Variants in GNAS observed in about 807,000 individuals in gnomAD.
GNAS encodes GNAS complex locus.
In GNAS, 8 loss-of-function variants were observed where a neutral mutation model predicts 54.5. That is an observed-to-expected ratio of 0.15 (90% confidence interval 0.09 to 0.26). The LOEUF (loss-of-function observed/expected upper bound fraction) is 0.26. Among genes scored for constraint, GNAS ranks in the 10% least tolerant of loss-of-function variants. The pLI, the probability that GNAS is intolerant of heterozygous loss-of-function variation, is 1.00. For synonymous variants in GNAS, 204 were observed against 191.4 expected (o/e 1.07, Z -0.54); for missense variants, 170 against 529.8 (o/e 0.32, Z 6.67).
At chr20:58,849,922 C>G (rs1199169789) in intron 1 of GNAS, among the ~76,000 whole-genome samples, 1 of 152,228 alleles carries the variant, frequency 6.6e-6, no homozygotes, top group Non-Finnish European at 1.5e-5. Context: ...TTTCAACATC[C>G]TTTCCGTTTC....
In GNAS at chr20:58,844,703, T is replaced by G. The variant is rs192688610; in HGVS notation, c.43+3817T>G. Among the ~76,000 whole-genome samples, 224 of 151,674 alleles carry G rather than the reference T, an allele frequency of 1.5e-3. 1 individual carries two copies. The highest frequency in any genetic ancestry group is 5.2e-3 in the African/African-American group (216 of 41,300). On this transcript the variant is annotated intron_variant, in intron 1 of 12. Transcript: ENST00000306090. ...ACTAGTGATTTAACCCTAATGGAAC[T>G]CCCAAAAAACATCGAAAGTTGCTCA...
chr20:58,901,463 G>A (rs569215085), intron 3 of GNAS, among the ~76,000 whole-genome samples: 79 of 152,092 alleles, frequency 5.2e-4, no homozygotes, highest in Non-Finnish European at 9.1e-4. Context: ...CCTGAAGCTC[G>A]CTCACCTCCC....
chr20:58,840,775 G>A (rs76844956), upstream of GNAS: 10 of 1,608,308 alleles, frequency 6.2e-6, no homozygotes, highest in Non-Finnish European at 8.5e-6. This position sits in a 1 kb window ranked among gnomAD's most constrained non-coding sequence, Gnocchi z 6.0. Context: ...AGCCAAAGAA[G>A]CCCACCCGCC....
chr20:58,850,617 T>C, intron 1 of GNAS: 1 of 399,076 alleles, frequency 2.5e-6, no homozygotes, highest in East Asian at 3.6e-5. Context: ...CTCCTTGGGG[T>C]CCTGGCCCTC....
rs575054931 is a variant in GNAS, at chr20:58,850,461, G to A, written c.43+9575G>A. ...TTTGGGGGTGAGCGCGAGGCCTGACGAAAGCAAACAACCCCTTTGGAGCAC... is the reference window on the plus strand; with the variant it reads ...TTTGGGGGTGAGCGCGAGGCCTGACAAAAGCAAACAACCCCTTTGGAGCAC... On this transcript the variant is annotated intron_variant, in intron 1 of 12. Transcript: ENST00000306090. 9.3e-5 allele frequency: 37 copies of A among 397,896 alleles called. No individual in the cohort carries two copies. The South Asian group carries it at 3.9e-3, about 42-fold the overall frequency. 24.6% of individuals were successfully genotyped at this position (397,896 alleles called of 1,614,324 possible).
chr20:58,900,156 A>G (rs2090476387), intron 3 of GNAS: 5 of 586,870 alleles, frequency 8.5e-6, no homozygotes, highest in Non-Finnish European at 1.5e-5. Flanking sequence ...CTTAATTGGC[A>G]GAAATGTAGT....
chr20:58,879,134 G>A (rs977426176), intron 1 of GNAS, among the ~76,000 whole-genome samples: 5 of 152,158 alleles, frequency 3.3e-5, no homozygotes, highest in Admixed American at 1.3e-4. Flanking sequence ...TTGTAACGTC[G>A]GAAGAATTGG....
At chr20:58,852,542 G>C (rs1600700016) in intron 1 of GNAS, among the ~76,000 whole-genome samples, 1 of 152,060 alleles carries the variant, frequency 6.6e-6, no homozygotes, top group Non-Finnish European at 1.5e-5. Context: ...CAGAGTTTCA[G>C]GGGTATCCTG....
intron 1 of GNAS, chr20:58,852,952 G>C: frequency 9.4e-7 from 1 of 1,064,788 alleles, no homozygotes; most frequent in Non-Finnish European, 1.2e-6. Flanking sequence ...GACTGGCCTG[G>C]AGCAAAAAGA....
chr20:58,875,058 C>A (rs1386739019), intron 1 of GNAS, among the ~76,000 whole-genome samples: 2 of 151,998 alleles, frequency 1.3e-5, no homozygotes, highest in Non-Finnish European at 2.9e-5. Context: ...ATACAGATTG[C>A]TAGCTATTTT....
intron 1 of GNAS, among the ~76,000 whole-genome samples, chr20:58,865,832 T>A (rs1315475138): frequency 6.6e-6 from 1 of 152,118 alleles, no homozygotes; most frequent in African/African-American, 2.4e-5. Context: ...GGGAAGTAAA[T>A]AGTGAGCTGA....
intron 1 of GNAS, chr20:58,867,468 T>C (rs973542876): frequency 6.6e-6 from 1 of 152,170 alleles, no homozygotes; most frequent in African/African-American, 2.4e-5. Flanking sequence ...TAGGGCAGTT[T>C]GGTGTTTGTG....
chr20:58,859,535 T>G (rs942424819), intron 1 of GNAS, among the ~76,000 whole-genome samples: 6 of 152,102 alleles, frequency 3.9e-5, no homozygotes, highest in African/African-American at 1.4e-4. Flanking sequence ...CTAGTCATAT[T>G]TGTCTCTTGA....
intron 1 of GNAS, among the ~76,000 whole-genome samples, chr20:58,879,780 T>C (rs1172589453): frequency 1.3e-5 from 2 of 152,172 alleles, no homozygotes; most frequent in South Asian, 2.1e-4. Context: ...GATATCTTTA[T>C]GGCTAGACTC....
chr20:58,892,183 G>T, intron 1 of GNAS: 1 of 971,318 alleles, frequency 1.0e-6, no homozygotes, highest in Non-Finnish European at 1.2e-6. Flanking sequence ...CTTTTTCCGC[G>T]AGGCCTACAC....
chr20:58,901,876 C>G (rs1263693322), intron 3 of GNAS, among the ~76,000 whole-genome samples: 2 of 134,188 alleles, frequency 1.5e-5, no homozygotes, highest in Non-Finnish European at 3.1e-5. Flanking sequence ...ACTGCCCTGC[C>G]CTGCTCGTCT....
chr20:58,869,131 G>A lies in GNAS; in HGVS notation c.44-26481G>A, dbSNP rs543764207. Among the ~76,000 whole-genome samples, 5 of 152,326 alleles carry A rather than the reference G, an allele frequency of 3.3e-5. No individual in the cohort carries two copies. In the South Asian group the frequency reaches 8.3e-4, roughly 25 times the overall value. ...TCTTAGCCAAGGCAGGAAAGCACAC[G>A]ATCAGGTAACCTCCAGATTCACCGC... On this transcript the variant is annotated intron_variant, in intron 1 of 12. Coordinates refer to the GNAS transcript ENST00000306090.
At chr20:58,859,915 C>T (rs1451553187) in intron 1 of GNAS, among the ~76,000 whole-genome samples, 3 of 152,172 alleles carry the variant, frequency 2.0e-5, no homozygotes, top group Non-Finnish European at 2.9e-5. Flanking sequence ...TGAGCCATCG[C>T]GCCCGGCCAT....
At chr20:58,882,563 G>A (rs1478705315) in intron 1 of GNAS, among the ~76,000 whole-genome samples, 5 of 152,198 alleles carry the variant, frequency 3.3e-5, no homozygotes, top group African/African-American at 1.2e-4. Context: ...CCTGTCACTC[G>A]AGCCAGTGTC....
Sources: gnomAD v4.1 joint callset for allele counts (sites outside exome capture counted in the v4.1 genomes callset) on GRCh38, gnomAD v4.1.1 for gene constraint, Gnocchi (gnomAD v3.1) non-coding constraint, MANE v1.5 for transcripts, NCBI Gene and HGNC (gene_info 2026-07-23, HGNC 2026-07-21) for gene names.